FRMD4A: variants seen among roughly 807,000 people sequenced by gnomAD.
The protein encoded by FRMD4A is FERM domain-containing protein 4A.
Under a neutral mutation model 129.1 loss-of-function variants are expected in FRMD4A, and 29 were observed. The ratio of observed to expected loss-of-function variants is 0.22; its 90% CI spans 0.17 to 0.31. The LOEUF is 0.31. Ranked by LOEUF, FRMD4A falls within the 10% of genes least tolerant of loss-of-function variation. The pLI, the probability that FRMD4A is intolerant of heterozygous loss-of-function variation, is 1.00. For synonymous variants in FRMD4A, 634 were observed against 571.6 expected, an observed-to-expected ratio of 1.11 and a Z score of -1.56; for missense variants, 1,272 against 1,375.8, an observed-to-expected ratio of 0.92 and a Z score of 1.19.
At chr10:13,881,846 A>G (rs1458898450) in intron 2 of FRMD4A, among the ~76,000 whole-genome samples, 1 of 151,352 alleles carries the variant, frequency 6.6e-6, no homozygotes, top group Admixed American at 6.6e-5. Flanking sequence ...GAGGAACAGG[A>G]GCAGGGAACA....
chr10:14,124,658 A>C (rs1344824848), intron 2 of FRMD4A, among the ~76,000 whole-genome samples: 1 of 152,166 alleles, frequency 6.6e-6, no homozygotes, highest in African/African-American at 2.4e-5. Flanking sequence ...CCTGGGTGAC[A>C]GGGCAAGACT....
intron 5 of FRMD4A, among the ~76,000 whole-genome samples, chr10:13,785,622 GTTA>G (rs1490568153): frequency 2.6e-5 from 4 of 151,818 alleles, no homozygotes; most frequent in Admixed American, 6.6e-5. Context: ...TTTTTATTTT[GTTA>G]TTATTTTTTA....
chr10:13,988,840 T>A (rs1291126470), intron 2 of FRMD4A, among the ~76,000 whole-genome samples: 1 of 152,138 alleles, frequency 6.6e-6, no homozygotes, highest in Admixed American at 6.6e-5. Context: ...AAAAATAACC[T>A]ATGAGCATGG....
intron 2 of FRMD4A, among the ~76,000 whole-genome samples, chr10:14,024,037 A>G (rs573161000): frequency 3.2e-4 from 49 of 152,308 alleles, no homozygotes; most frequent in Non-Finnish European, 2.6e-4. Context: ...GGGAATAGCT[A>G]CTGAAGCTGC....
intron 3 of FRMD4A, among the ~76,000 whole-genome samples, chr10:13,848,942 C>G (rs200654043): frequency 6.6e-6 from 1 of 152,192 alleles, no homozygotes; most frequent in Admixed American, 6.5e-5. Flanking sequence ...TTTACCATTG[C>G]GTTATCTGTC....
At chr10:14,304,407 C>T (rs1425424953) in intron 2 of FRMD4A, among the ~76,000 whole-genome samples, 1 of 152,078 alleles carries the variant, frequency 6.6e-6, no homozygotes, top group East Asian at 1.9e-4. Flanking sequence ...TGAGAGCAGC[C>T]GTTTTGGTGG....
At chr10:13,724,304 T>C (rs1164196926) in intron 12 of FRMD4A, among the ~76,000 whole-genome samples, 1 of 151,848 alleles carries the variant, frequency 6.6e-6, no homozygotes, top group Non-Finnish European at 1.5e-5. Flanking sequence ...AGGAGAATGG[T>C]GTGAACCCGG....
At chr10:14,037,339 T>G (rs1833547649) in intron 2 of FRMD4A, among the ~76,000 whole-genome samples, 1 of 152,194 alleles carries the variant, frequency 6.6e-6, no homozygotes, top group South Asian at 2.1e-4. Flanking sequence ...TGCCTCAGCC[T>G]CCTGAGCAGC....
At position 14,261,987 on chromosome 10, in the gene FRMD4A, C is replaced by CACACACACA. The variant is rs3222480; in HGVS notation, c.45+68070_45+68071insTGTGTGTGT. ...ACACACACACACACACACACACACACCTCATTTTCCCTAGTTCCCCTCTCT... is the reference window on the plus strand; with the variant it reads ...ACACACACACACACACACACACACACACACACACACTCATTTTCCCTAGTTCCCCTCTCT... On this transcript the variant is annotated intron_variant, in intron 2 of 24. Transcript: ENST00000357447. Among the ~76,000 whole-genome samples, 29 of 146,202 alleles carry CACACACACA rather than the reference C, an allele frequency of 2.0e-4. No individual in the cohort carries two copies. The East Asian group carries it at 3.4e-3, about 17-fold the overall frequency.
intron 2 of FRMD4A, among the ~76,000 whole-genome samples, chr10:14,010,933 C>T (rs1385665576): frequency 2.0e-5 from 3 of 152,200 alleles, no homozygotes; most frequent in Non-Finnish European, 2.9e-5. Context: ...AGCACCTACC[C>T]ATTGGCAGGC....
At chr10:14,080,436 G>A (rs1184809758) in intron 2 of FRMD4A, among the ~76,000 whole-genome samples, 3 of 152,018 alleles carry the variant, frequency 2.0e-5, no homozygotes, top group Non-Finnish European at 4.4e-5. Flanking sequence ...CTGCCATAAT[G>A]AGAACCCCCC....
intron 2 of FRMD4A, among the ~76,000 whole-genome samples, chr10:14,166,364 A>G (rs968210578): frequency 6.6e-6 from 1 of 152,156 alleles, no homozygotes; most frequent in Admixed American, 6.6e-5. Context: ...ACAAGAAACT[A>G]ACTTGTTTTA....
At chr10:13,970,768 C>G (rs925513176) in intron 2 of FRMD4A, among the ~76,000 whole-genome samples, 3 of 152,202 alleles carry the variant, frequency 2.0e-5, no homozygotes, top group African/African-American at 7.2e-5. Context: ...ACTGAAGTCT[C>G]CGCGGCCAGC....
At position 13,797,229 on chromosome 10, in the gene FRMD4A, C is replaced by T. The variant is rs2093139729; in HGVS notation, c.207-641G>A. 4.6e-5 allele frequency among the ~76,000 whole-genome samples: 7 copies of T among 152,344 alleles called. No homozygotes were observed. The South Asian group carries it at 1.4e-3, about 32-fold the overall frequency. Reference sequence around the variant, plus strand: ...TGTCCTGAACCGCCTTTCCACCACACTCCCAGGTGCCTTTTTTCCTGAAGG... The same window carrying T: ...TGTCCTGAACCGCCTTTCCACCACATTCCCAGGTGCCTTTTTTCCTGAAGG... On this transcript the variant is annotated intron_variant, in intron 4 of 24. Transcript: ENST00000357447.
intron 2 of FRMD4A, among the ~76,000 whole-genome samples, chr10:14,263,969 A>T (rs774372107): frequency 9.2e-5 from 14 of 152,234 alleles, no homozygotes; most frequent in Non-Finnish European, 1.6e-4. Context: ...GCTCTTCTCC[A>T]GTGAGCGAGC....
Position 13,659,420 on chromosome 10 carries a change from T to C in FRMD4A, c.1969A>G (p.Ser657Gly). ...AGGGSNSLQN[S>G]PIRGLPHWNS... is the part of the protein sequence containing the mutation. ...CAGTGCGGGAGGCCGCGGATGGGGC[T>C]GTTCTGCAAGGAGTTGCTTCCTCCG... Residue 657 changes from serine (S) to glycine (G), a missense_variant, in exon 21 of 25, where the codon AGC becomes GGC. Around this residue, in one of 2 missense-constraint regions of FRMD4A, gnomAD observed 972 missense variants for 892.3 expected, o/e 1.09. Coordinates refer to ENST00000357447, the MANE Select transcript of FRMD4A (RefSeq NM_018027.5). 6.2e-7 allele frequency: 1 copy of C among 1,614,078 alleles called. No individual in the cohort carries two copies. Among genetic ancestry groups the C allele is most frequent in the Non-Finnish European group, 8.5e-7 (1 of 1,180,000 alleles).
At chr10:14,325,109 G>T (rs148552562) in intron 2 of FRMD4A, among the ~76,000 whole-genome samples, 40 of 152,256 alleles carry the variant, frequency 2.6e-4, no homozygotes, top group African/African-American at 9.1e-4. Context: ...ATCTGCAAAC[G>T]CACTTTGAAA....
At chr10:13,770,955 T>TGAC (rs1314293835) in intron 6 of FRMD4A, among the ~76,000 whole-genome samples, 2 of 152,228 alleles carry the variant, frequency 1.3e-5, no homozygotes, top group African/African-American at 4.8e-5. Flanking sequence ...ACAGATGAGA[T>TGAC]GACGTCATCT....
intron 6 of FRMD4A, among the ~76,000 whole-genome samples, chr10:13,781,570 GT>G (rs998847929): frequency 8.6e-5 from 13 of 151,832 alleles, no homozygotes; most frequent in African/African-American, 3.1e-4. Context: ...TAGAGATGGG[GT>G]TCCGCCATGT....
Sources: gnomAD v4.1 joint callset for allele counts (sites outside exome capture counted in the v4.1 genomes callset) on GRCh38, gnomAD v4.1.1 for gene constraint, gnomAD v4.1.1 regional missense constraint, MANE v1.5 for transcripts, NCBI Gene and HGNC (gene_info 2026-07-23, HGNC 2026-07-21) for gene names.